Variants in SLC25A3 observed in about 807,000 individuals in gnomAD.
SLC25A3 encodes solute carrier family 25 member 3.
SLC25A3 carries 14 observed loss-of-function variants against 37.1 expected under a neutral mutation model. The ratio of observed to expected loss-of-function variants is 0.38; its 90% CI spans 0.25 to 0.59. The LOEUF is 0.59. SLC25A3 is among the 20% of genes least tolerant of loss of function. SLC25A3 has a pLI of 0.67. For synonymous variants in SLC25A3, 161 were observed against 168.7 expected, an observed-to-expected ratio of 0.95 and a Z score of 0.36; for missense variants, 385 against 458.1, an observed-to-expected ratio of 0.84 and a Z score of 1.46.
intron 2 of SLC25A3, chr12:98,594,429 G>C: frequency 1.4e-6 from 1 of 690,006 alleles, no homozygotes; most frequent in East Asian, 2.7e-5. Flanking sequence ...GAGCTCGCTT[G>C]GTCAGCAAAC....
In SLC25A3 at chr12:98,602,234, G is replaced by C. The variant is rs571530328; in HGVS notation, c.*706G>C. 12 of 151,798 alleles carry C rather than the reference G, an allele frequency of 7.9e-5. No individual in the cohort carries two copies. Among genetic ancestry groups the C allele is most frequent in the African/African-American group, 2.7e-4 (11 of 41,212 alleles). 9.4% of individuals were successfully genotyped at this position (151,798 alleles called of 1,614,324 possible). ...CAGACGAGTGTAGTGTCGCGATCTC[G>C]CCTCACGGCAACCTCTGCCTCCCAG... On this transcript the variant is annotated 3_prime_UTR_variant, in exon 8 of 8. Coordinates refer to ENST00000552981, the MANE Select transcript of SLC25A3 (RefSeq NM_002635.4).
At chr12:98,596,765 G>A (rs975514286) in intron 3 of SLC25A3, among the ~76,000 whole-genome samples, 3 of 152,192 alleles carry the variant, frequency 2.0e-5, no homozygotes, top group Admixed American at 6.5e-5. Flanking sequence ...TGGAATGCCA[G>A]CATTTTGGGT....
chr12:98,594,260 C>T (rs1413960365), intron 2 of SLC25A3, 125 bp downstream of exon 2: 3 of 834,758 alleles, frequency 3.6e-6, no homozygotes, highest in Non-Finnish European at 5.9e-6. Flanking sequence ...TAGGACGGCG[C>T]CCAGTTGCTT....
In SLC25A3 at chr12:98,601,314, C is replaced by G. The variant is rs775086448; in HGVS notation, c.925+33C>G. ...GATGTTTTTTTCTTGAAAGAAAGAA[C>G]AACAGTTTTGGATATGTTGCATTTT... is the stretch of plus-strand genomic sequence containing the variant. On this transcript the variant is annotated intron_variant, in intron 7 of 7. Transcript: ENST00000552981. 257 of 1,613,956 alleles carry G rather than the reference C, an allele frequency of 1.6e-4. 4 individuals are homozygous for G. The South Asian group carries it at 2.7e-3, about 17-fold the overall frequency.
In SLC25A3 at chr12:98,598,348, T is replaced by C. The variant is rs1357180215; in HGVS notation, c.460-174T>C. ...CTAGATATTTTTTGAATATTCATGTTGTTCACATAGTTACGTGTTTTGTTA... is the reference window on the plus strand; with the variant it reads ...CTAGATATTTTTTGAATATTCATGTCGTTCACATAGTTACGTGTTTTGTTA... On this transcript the variant is annotated intron_variant, in intron 4 of 7. Coordinates refer to ENST00000552981, the MANE Select transcript of SLC25A3 (RefSeq NM_002635.4). 3 of 975,958 alleles carry C rather than the reference T, an allele frequency of 3.1e-6. No homozygotes were observed. In the African/African-American group the frequency reaches 4.9e-5, roughly 16 times the overall value. The allele number at this position is 975,958 out of a possible 1,614,324, so 60.5% of individuals were successfully genotyped here.
rs927605324 is a variant in SLC25A3 at position 98,602,855 on chromosome 12, T to A, written c.*1327T>A. 1.3e-5 allele frequency: 2 copies of A among 152,288 alleles called. No individual in the cohort carries two copies. Among genetic ancestry groups the A allele is most frequent in the Admixed American group, 1.3e-4 (2 of 15,286 alleles). The allele number at this position is 152,288 out of a possible 1,614,324, so 9.4% of individuals were successfully genotyped here. ...GTACAGATGGCCTGGAGAGAAAAAC[T>A]TTTTCAGAGATTGGAGAGAAATGTT... is the stretch of plus-strand genomic sequence containing the variant. On this transcript the variant is annotated 3_prime_UTR_variant, in exon 8 of 8. Transcript: ENST00000552981.
In SLC25A3 at chr12:98,604,630, T is replaced by C. The variant is rs2097600262; in HGVS notation, c.*3102T>C. ...AGCTGACACAATTGGGATGTGCCACTACTTGCTCCTGTTTTTTCATAGACG... is the reference window on the plus strand; with the variant it reads ...AGCTGACACAATTGGGATGTGCCACCACTTGCTCCTGTTTTTTCATAGACG... On this transcript the variant is annotated 3_prime_UTR_variant, in exon 8 of 8. Transcript: ENST00000552981. 6.6e-6 allele frequency: 1 copy of C among 151,694 alleles called. No homozygotes were observed. Among genetic ancestry groups the C allele is most frequent in the Non-Finnish European group, 1.5e-5 (1 of 67,974 alleles). 9.4% of individuals were successfully genotyped at this position (151,694 alleles called of 1,614,324 possible).
chr12:98,594,236 A>G (rs926687553), intron 2 of SLC25A3, 101 bp downstream of exon 2: 1 of 998,842 alleles, frequency 1.0e-6, no homozygotes, highest in Middle Eastern at 2.0e-4. Flanking sequence ...GGACGAGTCC[A>G]GCCCGCTGCA....
Position 98,600,103 on chromosome 12 carries a change from G to T in SLC25A3, c.790G>T (p.Val264Leu). The T allele has an allele frequency of 6.2e-7, 1 of 1,612,632 alleles. No homozygotes were observed. Among genetic ancestry groups the T allele is most frequent in the Non-Finnish European group, 8.5e-7 (1 of 1,178,578 alleles). ...SECSKPEQLV[V>L]TFVAGYIAGV... is the part of the protein sequence containing the mutation. ...ATGTTCAAAGCCAGAGCAGCTGGTT[G>T]TAACATTTGTAGCAGGTTACATAGG... The change falls in exon 6 of 8, where the codon GTA (valine) becomes TTA (leucine). Residue 264 changes from valine (V) to leucine (L), a missense_variant. Physicochemically the swap from Val to Leu is conservative, Grantham distance 32. Coordinates refer to ENST00000552981, the MANE Select transcript of SLC25A3 (RefSeq NM_002635.4).
intron 3 of SLC25A3, among the ~76,000 whole-genome samples, chr12:98,596,640 C>T (rs536378509): frequency 6.8e-4 from 103 of 151,812 alleles, no homozygotes; most frequent in African/African-American, 2.2e-3. Context: ...GTTCACAAAA[C>T]TTTATGCTAT....
chr12:98,594,344 C>CT (rs1447479115), intron 2 of SLC25A3: 1 of 703,298 alleles, frequency 1.4e-6, no homozygotes, highest in Non-Finnish European at 2.6e-6. Flanking sequence ...CGTGGAAGCG[C>CT]TGAGGCCCTG....
chr12:98,597,220 A>T (rs2097593737), intron 3 of SLC25A3, among the ~76,000 whole-genome samples: 1 of 152,204 alleles, frequency 6.6e-6, no homozygotes, highest in Non-Finnish European at 1.5e-5. Context: ...AGAAAGCTAG[A>T]CCTTAATGTA....
chr12:98,598,779 T>C (rs2097595229), intron 5 of SLC25A3, 76 bp downstream of exon 5: 1 of 1,400,622 alleles, frequency 7.1e-7, no homozygotes, highest in Non-Finnish European at 9.8e-7. Context: ...GTTTTTTTTT[T>C]TGTTTTGTTT....
rs1024151523 is a variant in SLC25A3, at chr12:98,605,459, T to A, written c.*3931T>A. On this transcript the variant is annotated 3_prime_UTR_variant, in exon 8 of 8. Transcript: ENST00000552981. ...ATTTTTGGGATCGACATGTCCATAA[T>A]GTTAATGAAGCGCATAGCAGTCACT... 4 of 151,722 alleles carry A rather than the reference T, an allele frequency of 2.6e-5. No homozygotes were observed. Among genetic ancestry groups the A allele is most frequent in the African/African-American group, 4.8e-5 (2 of 41,282 alleles). The allele number at this position is 151,722 out of a possible 1,614,324, so 9.4% of individuals were successfully genotyped here. A position where few individuals can be genotyped will look rare whatever the true frequency, so the allele number is the denominator to read the frequency against.
intron 5 of SLC25A3, 142 bp from the exon 6 acceptor site, chr12:98,599,813 G>A (rs1055935807): frequency 4.4e-6 from 4 of 901,294 alleles, no homozygotes; most frequent in African/African-American, 3.2e-5. Flanking sequence ...TTAGTCTAAC[G>A]TTCTGATAGA....
rs765123723 is a variant in SLC25A3, at chr12:98,598,639, C to G, written c.577C>G (p.Pro193Ala). ...EAAKVRIQTQ[P>A]GYANTLRDAA... ...TGCTAAGGTTCGAATTCAAACCCAG[C>G]CAGGTTATGCCAACACTTTGAGGGA... The change falls in exon 5 of 8, where the codon CCA becomes GCA. Residue 193 changes from proline to alanine, a missense_variant. By Grantham distance (27) the Pro-to-Ala change is conservative. This residue lies in a region of SLC25A3 where 276 missense variants were observed against 367.6 expected (regional missense o/e 0.75). Coordinates refer to ENST00000552981, the MANE Select transcript of SLC25A3 (RefSeq NM_002635.4). 6.2e-7 allele frequency: 1 copy of G among 1,614,022 alleles called. No individual in the cohort carries two copies. The highest frequency in any genetic ancestry group is 1.1e-5 in the South Asian group (1 of 91,074).
Position 98,599,973 on chromosome 12 carries a change from T to C in SLC25A3, c.660T>C (p.Ala220=). Residue 220 remains alanine (A), a synonymous_variant, in exon 6 of 8, where the codon GCT becomes GCC. Transcript: ENST00000552981. ...EGLKAFYKGV[A]PLWMRQIPYT... is the part of the protein sequence containing the mutation. ...TTCCTAGATTCTACAAGGGGGTTGC[T>C]CCTCTCTGGATGAGACAGATACCAT... 1 of 1,613,942 alleles carries C rather than the reference T, an allele frequency of 6.2e-7. No individual in the cohort carries two copies. The highest frequency in any genetic ancestry group is 8.5e-7 in the Non-Finnish European group (1 of 1,179,820).
chr12:98,596,124 C>T (rs532347069), intron 3 of SLC25A3, among the ~76,000 whole-genome samples: 6 of 152,252 alleles, frequency 3.9e-5, no homozygotes, highest in African/African-American at 1.2e-4. Context: ...CTTACTAGTG[C>T]CCCAAATAGT....
Position 98,601,768 on chromosome 12 carries a change from A to G in SLC25A3, c.*240A>G. The G allele has an allele frequency of 2.0e-6, 1 of 508,160 alleles. No homozygotes were observed. The highest frequency in any genetic ancestry group is 3.5e-6 in the Non-Finnish European group (1 of 283,200). 31.5% of individuals were successfully genotyped at this position (508,160 alleles called of 1,614,324 possible). A position where few individuals can be genotyped will look rare whatever the true frequency, so the allele number is the denominator to read the frequency against. ...AAAGATTTAGCTTTAAAATAGTTGG[A>G]AAGAATGAAGTATATAAGTTAAGGA... On this transcript the variant is annotated 3_prime_UTR_variant, in exon 8 of 8. Coordinates refer to ENST00000552981, the MANE Select transcript of SLC25A3 (RefSeq NM_002635.4).
Sources: allele counts gnomAD v4.1 joint callset (sites outside exome capture counted in the v4.1 genomes callset), GRCh38; gene constraint gnomAD v4.1.1; regional missense constraint gnomAD v4.1.1; transcripts MANE v1.5; gene names NCBI Gene and HGNC (gene_info 2026-07-23, HGNC 2026-07-21).